FRRS1: variants seen among roughly 807,000 people sequenced by gnomAD.
The protein encoded by FRRS1 is ferric reductase 1.
FRRS1 carries 51 observed loss-of-function variants against 70.7 expected under a neutral mutation model. The ratio of observed to expected loss-of-function variants is 0.72; its 90% CI spans 0.58 to 0.91. FRRS1 has a LOEUF of 0.91. FRRS1 is among the 40% of genes least tolerant of loss of function. The pLI is 0.00. For synonymous variants in FRRS1, 225 were observed against 238.7 expected (o/e 0.94, Z 0.53); for missense variants, 672 against 726.0 (o/e 0.93, Z 0.86).
Position 99,715,688 on chromosome 1 carries a change from A to G in FRRS1, c.1237-16T>C. The stretch of plus-strand genomic sequence containing the variant: ...TCCGATGCACCTGCAAGGTAAAATG[A>G]CAAATTAAGAAGACACTTATCCATG... On this transcript the variant is annotated splice_polypyrimidine_tract_variant and intron_variant, in intron 11 of 16. Coordinates refer to ENST00000646001, the MANE Select transcript of FRRS1 (RefSeq NM_001361041.2). 6.4e-7 allele frequency: 1 copy of G among 1,572,098 alleles called. No homozygotes were observed. The highest frequency in any genetic ancestry group is 8.8e-7 in the Non-Finnish European group (1 of 1,142,136).
intron 4 of FRRS1, among the ~76,000 whole-genome samples, chr1:99,746,611 T>C (rs1166862068): frequency 6.6e-6 from 1 of 152,136 alleles, no homozygotes; most frequent in African/African-American, 2.4e-5. Context: ...ATGGTGAGTG[T>C]TTCCAAACCA....
intron 7 of FRRS1, among the ~76,000 whole-genome samples, chr1:99,732,067 G>A (rs141794351): frequency 6.6e-6 from 1 of 152,166 alleles, no homozygotes; most frequent in African/African-American, 2.4e-5. Flanking sequence ...AATAATGGTT[G>A]ATTTGAGGCA....
chr1:99,746,190 T>C (rs1656254492), intron 4 of FRRS1, among the ~76,000 whole-genome samples: 1 of 152,192 alleles, frequency 6.6e-6, no homozygotes, highest in Non-Finnish European at 1.5e-5. Flanking sequence ...AGTAGCCTCC[T>C]TGCCTCCAAA....
intron 1 of FRRS1, among the ~76,000 whole-genome samples, chr1:99,759,555 T>C (rs1255195508): frequency 6.6e-6 from 1 of 152,078 alleles, no homozygotes; most frequent in African/African-American, 2.4e-5. Flanking sequence ...CAGAGTTAGG[T>C]AGGAAGACTT....
chr1:99,763,790 C>A (rs1386132149), intron 1 of FRRS1, among the ~76,000 whole-genome samples: 1 of 151,404 alleles, frequency 6.6e-6, no homozygotes, highest in Non-Finnish European at 1.5e-5. Context: ...ATCGCTTGAA[C>A]CCTGGAGGCA....
intron 8 of FRRS1, among the ~76,000 whole-genome samples, chr1:99,729,216 C>A (rs992898727): frequency 6.6e-6 from 1 of 152,254 alleles, no homozygotes; most frequent in Non-Finnish European, 1.5e-5. Context: ...ACCTTTGACA[C>A]ACATGCCAAC....
At chr1:99,753,536 G>A (rs1455557667) in intron 1 of FRRS1, among the ~76,000 whole-genome samples, 3 of 152,096 alleles carry the variant, frequency 2.0e-5, no homozygotes, top group African/African-American at 4.8e-5. Flanking sequence ...GGGAGGCTGA[G>A]GCGGGTGGAT....
At chr1:99,728,459 G>A (rs1655174293) in intron 9 of FRRS1, 34 bp downstream of exon 9, 2 of 1,515,450 alleles carry the variant, frequency 1.3e-6, no homozygotes, top group African/African-American at 2.8e-5. Flanking sequence ...GAGAGAAAAA[G>A]ACACTTGAAA....
intron 3 of FRRS1, 149 bp downstream of exon 3, chr1:99,748,424 T>A (rs1656397612): frequency 1.5e-6 from 1 of 657,842 alleles, no homozygotes; most frequent in Non-Finnish European, 2.6e-6. Context: ...AGTAATACAG[T>A]CATCTGGAAC....
intron 4 of FRRS1, among the ~76,000 whole-genome samples, chr1:99,746,306 C>G (rs1333247654): frequency 6.6e-6 from 1 of 152,144 alleles, no homozygotes; most frequent in Non-Finnish European, 1.5e-5. Flanking sequence ...TGGAAGAGAA[C>G]TCTGATAGAA....
rs867750039 is a variant in FRRS1 at position 99,747,298 on chromosome 1, A to G, written c.329T>C (p.Ile110Thr). ...GGATCAACTCTAAACACAAACCTGT[A>G]TATCTTCACAGGTCAAAAGTTGTGA... ...EVSQLLTCED[I>T]QGSAVSHRSA... The change falls in exon 4 of 17, where the codon ATA (isoleucine) becomes ACA (threonine). Residue 110 changes from isoleucine to threonine, a missense_variant. Ile to Thr is a moderately conservative substitution (Grantham distance 89). Coordinates refer to ENST00000646001, the MANE Select transcript of FRRS1 (RefSeq NM_001361041.2). The G allele has an allele frequency of 6.2e-7, 1 of 1,612,096 alleles. No homozygotes were observed. Among genetic ancestry groups the G allele is most frequent in the Non-Finnish European group, 8.5e-7 (1 of 1,178,908 alleles).
intron 14 of FRRS1, among the ~76,000 whole-genome samples, chr1:99,711,197 A>C (rs1654257176): frequency 6.6e-6 from 1 of 152,200 alleles, no homozygotes; most frequent in South Asian, 2.1e-4. Context: ...ATAATGCTGG[A>C]GTTTGGCCTT....
rs1438787352 is a variant in FRRS1, at chr1:99,710,905, G to A, written c.1525C>T (p.Pro509Ser). 1 of 1,613,334 alleles carries A rather than the reference G, an allele frequency of 6.2e-7. No homozygotes were observed. Among genetic ancestry groups the A allele is most frequent in the Non-Finnish European group, 8.5e-7 (1 of 1,179,474 alleles). The change falls in exon 15 of 17, where the codon CCT becomes TCT. Residue 509 changes from proline to serine, a missense_variant. Pro to Ser is a moderately conservative substitution (Grantham distance 74, BLOSUM62 -1). Transcript: ENST00000646001. ...LGMDLPGLNLPDSWKTYAMTG... is the reference protein window; with the variant it reads ...LGMDLPGLNLSDSWKTYAMTG... ...ATTGCATAGGTTTTCCATGAATCAG[G>A]AAGATTCAGTCCTGGTAAATCCATT...
intron 1 of FRRS1, among the ~76,000 whole-genome samples, chr1:99,759,302 A>G (rs1012420442): frequency 2.0e-5 from 3 of 152,312 alleles, no homozygotes; most frequent in East Asian, 3.9e-4. Flanking sequence ...CCAGCAGCCC[A>G]GCTGTAAAAT....
chr1:99,722,646 C>T (rs1654894125), intron 9 of FRRS1, among the ~76,000 whole-genome samples: 1 of 152,166 alleles, frequency 6.6e-6, no homozygotes, highest in African/African-American at 2.4e-5. Flanking sequence ...AAATTCAGCA[C>T]ACATTCATAT....
intron 1 of FRRS1, among the ~76,000 whole-genome samples, chr1:99,759,415 C>G (rs1657011391): frequency 6.6e-6 from 1 of 152,130 alleles, no homozygotes; most frequent in African/African-American, 2.4e-5. Context: ...CTCCAGTAAT[C>G]TGGGGACAGT....
At chr1:99,760,976 T>G (rs547980967) in intron 1 of FRRS1, among the ~76,000 whole-genome samples, 84 of 152,132 alleles carry the variant, frequency 5.5e-4, no homozygotes, top group Non-Finnish European at 9.9e-4. Flanking sequence ...GAAAAAGATT[T>G]TAGAGTTTGA....
chr1:99,709,320 T>A (rs11166307), intron 15 of FRRS1, 61 bp from the exon 16 acceptor site: 75,100 of 1,198,530 alleles, frequency 0.063, 7,442 homozygotes, highest in African/African-American at 0.43. Flanking sequence ...TTAAATTTTT[T>A]AAAAAAACCT....
At chr1:99,741,562 G>A (rs1655962990) in intron 5 of FRRS1, among the ~76,000 whole-genome samples, 1 of 152,166 alleles carries the variant, frequency 6.6e-6, no homozygotes, top group African/African-American at 2.4e-5. Flanking sequence ...TTGTATGTAG[G>A]ATAAGGAAGA....
Sources: gnomAD v4.1 joint callset for allele counts (sites outside exome capture counted in the v4.1 genomes callset) on GRCh38, gnomAD v4.1.1 for gene constraint, MANE v1.5 for transcripts, NCBI Gene and HGNC (gene_info 2026-07-23, HGNC 2026-07-21) for gene names.